ULK2: variants seen among roughly 807,000 people sequenced by gnomAD.
ULK2 encodes serine/threonine-protein kinase ULK2.
ULK2 carries 76 observed loss-of-function variants against 127.5 expected under a neutral mutation model. The observed-to-expected ratio is 0.60, with a 90% CI of 0.50 to 0.72. The LOEUF (loss-of-function observed/expected upper bound fraction) is 0.72, where lower values mean the gene tolerates loss of function less well. Ranked by LOEUF, ULK2 falls within the 30% of genes least tolerant of loss-of-function variation. The pLI is 0.00. For synonymous variants in ULK2, 452 were observed against 461.9 expected (o/e 0.98, Z 0.28); for missense variants, 1,144 against 1,295.9 (o/e 0.88, Z 1.80).
intron 20 of ULK2, among the ~76,000 whole-genome samples, chr17:19,794,244 C>A (rs1157887930): frequency 6.6e-6 from 1 of 151,924 alleles, no homozygotes; most frequent in Non-Finnish European, 1.5e-5. Flanking sequence ...GAGCCAGTGC[C>A]CAGCTAGCTC....
At chr17:19,845,199 G>T in intron 7 of ULK2, 105 bp downstream of exon 7, 3 of 982,106 alleles carry the variant, frequency 3.1e-6, no homozygotes, top group East Asian at 2.6e-5. Flanking sequence ...TAACAACTTG[G>T]ACTATATGTA....
chr17:19,859,760 A>G (rs2042204175), intron 3 of ULK2, among the ~76,000 whole-genome samples: 1 of 152,178 alleles, frequency 6.6e-6, no homozygotes, highest in Non-Finnish European at 1.5e-5. Context: ...GCTCACTGTA[A>G]CTTCAAGTTC....
chr17:19,865,899 G>A (rs2042341790), intron 1 of ULK2, 71 bp from the exon 2 acceptor site: 3 of 920,802 alleles, frequency 3.3e-6, no homozygotes, highest in African/African-American at 1.8e-5. Context: ...TTACAAGCGC[G>A]AAGGTGTTTT....
Position 19,809,997 on chromosome 17 carries a change from C to G in ULK2, c.1157+381G>C, listed in dbSNP as rs966538883. Among the ~76,000 whole-genome samples, 125 of 152,026 alleles carry G rather than the reference C, an allele frequency of 8.2e-4. 2 individuals are homozygous for G. The highest frequency in any genetic ancestry group is 2.1e-4 in the Non-Finnish European group (14 of 68,006). On this transcript the variant is annotated intron_variant, in intron 14 of 26. Coordinates refer to ENST00000395544, the MANE Select transcript of ULK2 (RefSeq NM_014683.4). ...CTATAATCCCAGCACTCTGGGAGGCCAAGGCGGGCGGATCATGAGATCAGG... is the reference window on the plus strand; with the variant it reads ...CTATAATCCCAGCACTCTGGGAGGCGAAGGCGGGCGGATCATGAGATCAGG...
intron 10 of ULK2, among the ~76,000 whole-genome samples, chr17:19,836,423 G>C (rs959660680): frequency 1.0e-4 from 14 of 138,780 alleles, no homozygotes; most frequent in Non-Finnish European, 2.0e-4. Flanking sequence ...ACACAAACAA[G>C]CAAAAAAAAT....
intron 7 of ULK2, among the ~76,000 whole-genome samples, chr17:19,843,932 A>T (rs2041823335): frequency 6.6e-6 from 1 of 152,166 alleles, no homozygotes; most frequent in Non-Finnish European, 1.5e-5. Flanking sequence ...TGCTGGGATT[A>T]CAGGCATGAG....
chr17:19,814,439 T>TATATATACACACATATATA (rs1491246393), intron 13 of ULK2, among the ~76,000 whole-genome samples: 3 of 9,992 alleles, frequency 3.0e-4, no homozygotes, highest in African/African-American at 6.3e-4. Context: ...TATATATATA[T>TATATATACACACATATATA]TTTTTTTTTT....
At chr17:19,794,557 C>T (rs986615031) in intron 20 of ULK2, among the ~76,000 whole-genome samples, 1 of 152,048 alleles carries the variant, frequency 6.6e-6, no homozygotes, top group African/African-American at 2.4e-5. Context: ...CTACAGAGAA[C>T]AAGGGTAAGA....
intron 15 of ULK2, among the ~76,000 whole-genome samples, chr17:19,803,236 C>T (rs917153846): frequency 6.6e-6 from 1 of 152,126 alleles, no homozygotes; most frequent in Non-Finnish European, 1.5e-5. Context: ...AATGCTTTTC[C>T]TAAGATAACT....
chr17:19,776,654 G>A (rs1382156087), intron 26 of ULK2, among the ~76,000 whole-genome samples: 1 of 151,968 alleles, frequency 6.6e-6, no homozygotes, highest in Non-Finnish European at 1.5e-5. Flanking sequence ...ATCCTCCTGT[G>A]GCTACTCAAA....
chr17:19,778,085 TTAAA>T (rs773749192), intron 25 of ULK2, among the ~76,000 whole-genome samples: 3 of 152,250 alleles, frequency 2.0e-5, no homozygotes, highest in Non-Finnish European at 1.5e-5. Flanking sequence ...AATAATATAA[TTAAA>T]TGATGCTAAT....
intron 4 of ULK2, 112 bp from the exon 5 acceptor site, chr17:19,849,517 G>T (rs2041966797): frequency 8.9e-7 from 1 of 1,118,792 alleles, no homozygotes; most frequent in Non-Finnish European, 1.3e-6. Context: ...TGTAAATATA[G>T]CCTAAAAACA....
intron 3 of ULK2, among the ~76,000 whole-genome samples, chr17:19,854,401 T>C (rs1044797822): frequency 6.6e-6 from 1 of 152,038 alleles, no homozygotes; most frequent in Admixed American, 6.6e-5. Flanking sequence ...ATACCAAAGG[T>C]TGCAAAAATA....
chr17:19,816,979 TGACTA>T (rs1384741783), intron 12 of ULK2, 59 bp from the exon 13 acceptor site: 1 of 1,496,818 alleles, frequency 6.7e-7, no homozygotes, highest in African/African-American at 1.5e-5. Flanking sequence ...GTCAGAATAG[TGACTA>T]GACTAAGGAA....
intron 16 of ULK2, among the ~76,000 whole-genome samples, chr17:19,801,483 A>G (rs2087396356): frequency 6.6e-6 from 1 of 152,192 alleles, no homozygotes; most frequent in African/African-American, 2.4e-5. Flanking sequence ...TGGGAGACTG[A>G]GGTGAAAAGA....
In ULK2 at chr17:19,811,505, G is replaced by T. The variant is rs112413619; in HGVS notation, c.1097-1067C>A. On this transcript the variant is annotated intron_variant, in intron 13 of 26. Transcript: ENST00000395544. The stretch of plus-strand genomic sequence containing the variant: ...CGCCCAGGCTGAAGTGCAGCAGCAT[G>T]ATCTCGGCTCACTGCAACCTCTGCC... 4.9e-3 allele frequency among the ~76,000 whole-genome samples: 746 copies of T among 151,954 alleles called. 4 individuals are homozygous for T. Among genetic ancestry groups the T allele is most frequent in the African/African-American group, 0.017 (709 of 41,426 alleles).
intron 12 of ULK2, among the ~76,000 whole-genome samples, chr17:19,823,937 C>T (rs964413878): frequency 1.3e-5 from 2 of 152,186 alleles, no homozygotes; most frequent in Non-Finnish European, 2.9e-5. Context: ...ACAGTTGCCA[C>T]CCCTTGCGTT....
rs1312895651 is a variant in ULK2 at position 19,772,261 on chromosome 17, G to A, written c.*4088C>T. 6.6e-6 allele frequency: 1 copy of A among 152,316 alleles called. No individual in the cohort carries two copies. Among genetic ancestry groups the A allele is most frequent in the African/African-American group, 2.4e-5 (1 of 41,452 alleles). 9.4% of individuals were successfully genotyped at this position (152,316 alleles called of 1,614,324 possible). A position where few individuals can be genotyped will look rare whatever the true frequency, so the allele number is the denominator to read the frequency against. Reference sequence around the variant, plus strand: ...CCAAAGCTGTGATTTCTCAGGGCAAGTTGTCAGCTTTCCCGTATGCAGTGT... The same window carrying A: ...CCAAAGCTGTGATTTCTCAGGGCAAATTGTCAGCTTTCCCGTATGCAGTGT... On this transcript the variant is annotated 3_prime_UTR_variant, in exon 27 of 27. Coordinates refer to ENST00000395544, the MANE Select transcript of ULK2 (RefSeq NM_014683.4).
rs202157415 is a variant in ULK2, at chr17:19,785,199, AT to A, written c.2251+737del. On this transcript the variant is annotated intron_variant, in intron 21 of 26. Coordinates refer to ENST00000395544, the MANE Select transcript of ULK2 (RefSeq NM_014683.4). ...AGACCCAAAGTACAAAAAATTAAAA[AT>A]AAATAAATAAAACAAGTTTCTTTCT... Among the ~76,000 whole-genome samples, 406 of 152,060 alleles carry A rather than the reference AT, an allele frequency of 2.7e-3. 16 individuals carry two copies. In the East Asian group the frequency reaches 0.061, roughly 23 times the overall value.
Sources: gnomAD v4.1 joint callset for allele counts (sites outside exome capture counted in the v4.1 genomes callset) on GRCh38, gnomAD v4.1.1 for gene constraint, MANE v1.5 for transcripts, NCBI Gene and HGNC (gene_info 2026-07-23, HGNC 2026-07-21) for gene names.